The following OPCML variants were observed in gnomAD, a reference collection of about 807,000 sequenced individuals.
OPCML encodes the protein opioid-binding protein/cell adhesion molecule.
In OPCML, 13 loss-of-function variants were observed where a neutral mutation model predicts 37.8. The observed-to-expected ratio is 0.34, with a 90% CI of 0.22 to 0.55. The LOEUF (loss-of-function observed/expected upper bound fraction) is 0.55. Ranked by LOEUF, OPCML falls within the 20% of genes least tolerant of loss-of-function variation. The pLI is 0.91. For synonymous variants in OPCML, 176 were observed against 168.8 expected, an observed-to-expected ratio of 1.04 and a Z score of -0.33; for missense variants, 341 against 435.6, an observed-to-expected ratio of 0.78 and a Z score of 1.93.
chr11:132,540,951 C>T (rs535931260), intron 3 of OPCML, among the ~76,000 whole-genome samples: 99 of 152,016 alleles, frequency 6.5e-4, no homozygotes, highest in African/African-American at 2.3e-3. Context: ...TCCTTTTGTT[C>T]CTTTCCCCCC....
chr11:133,159,591 T>A (rs1382692478), intron 1 of OPCML, among the ~76,000 whole-genome samples: 1 of 152,236 alleles, frequency 6.6e-6, no homozygotes, highest in East Asian at 1.9e-4. Context: ...AAGCAAGTCA[T>A]GCGGCCAATC....
intron 3 of OPCML, among the ~76,000 whole-genome samples, chr11:132,625,484 C>T (rs1162744885): frequency 2.0e-5 from 3 of 152,148 alleles, no homozygotes; most frequent in South Asian, 2.1e-4. Flanking sequence ...ATCTCTGAGC[C>T]GAGGCAGTTA....
At chr11:132,655,676 C>A (rs1941669483) in intron 3 of OPCML, among the ~76,000 whole-genome samples, 1 of 152,172 alleles carries the variant, frequency 6.6e-6, no homozygotes. Flanking sequence ...TGGGGAACAG[C>A]AGTGACAGCA....
intron 1 of OPCML, among the ~76,000 whole-genome samples, chr11:132,960,186 C>A (rs551091730): frequency 4.6e-5 from 7 of 152,186 alleles, no homozygotes; most frequent in African/African-American, 2.4e-5. Context: ...AAGTGACTTA[C>A]GTGCATAATC....
At chr11:132,624,476 TG>T (rs1460074064) in intron 3 of OPCML, among the ~76,000 whole-genome samples, 2 of 152,222 alleles carry the variant, frequency 1.3e-5, no homozygotes, top group Admixed American at 1.3e-4. Flanking sequence ...TCATACTCTC[TG>T]TATGCCTCTA....
intron 1 of OPCML, among the ~76,000 whole-genome samples, chr11:132,998,338 A>G (rs1591894602): frequency 6.6e-6 from 1 of 152,128 alleles, no homozygotes; most frequent in South Asian, 2.1e-4. Flanking sequence ...GCAAAGGGGC[A>G]CTTTCTCCCT....
chr11:132,777,061 A>G (rs1176560166), intron 2 of OPCML, among the ~76,000 whole-genome samples: 1 of 152,152 alleles, frequency 6.6e-6, no homozygotes, highest in African/African-American at 2.4e-5. Context: ...CCATCACCAA[A>G]GGAGACCTTA....
intron 1 of OPCML, among the ~76,000 whole-genome samples, chr11:133,391,052 T>G (rs1945163792): frequency 6.6e-6 from 1 of 152,168 alleles, no homozygotes; most frequent in South Asian, 2.1e-4. Context: ...AGAGGAAGAT[T>G]TACCCACCTG....
chr11:133,054,755 T>C (rs575320096), intron 1 of OPCML, among the ~76,000 whole-genome samples: 1 of 152,232 alleles, frequency 6.6e-6, no homozygotes, highest in Non-Finnish European at 1.5e-5. Flanking sequence ...TTGAGAAACA[T>C]ACTTCCAAGT....
chr11:132,800,696 T>C (rs767444179), intron 2 of OPCML, among the ~76,000 whole-genome samples: 1 of 152,222 alleles, frequency 6.6e-6, no homozygotes, highest in Non-Finnish European at 1.5e-5. Flanking sequence ...TCTATTAAAA[T>C]GGTGGATTAC....
chr11:132,827,807 AT>A (rs71477776), intron 2 of OPCML, among the ~76,000 whole-genome samples: 14 of 149,112 alleles, frequency 9.4e-5, no homozygotes, highest in African/African-American at 1.2e-4. Context: ...GCCTGGCTGA[AT>A]TTTTTTTTTG....
intron 7 of OPCML, among the ~76,000 whole-genome samples, chr11:132,431,594 G>A (rs978065403): frequency 3.3e-5 from 5 of 152,172 alleles, no homozygotes; most frequent in East Asian, 1.9e-4. Context: ...CATCTTGGAC[G>A]ATCACCTACC....
At chr11:132,823,511 C>G (rs1458801854) in intron 2 of OPCML, among the ~76,000 whole-genome samples, 3 of 151,956 alleles carry the variant, frequency 2.0e-5, no homozygotes, top group Admixed American at 2.0e-4. Flanking sequence ...CTTTCCCCAG[C>G]ATCATCAATA....
At position 132,453,639 on chromosome 11, in the gene OPCML, A is replaced by T. The variant is rs180890930; in HGVS notation, c.506-16280T>A. Among the ~76,000 whole-genome samples the T allele has an allele frequency of 9.2e-5, 14 of 152,350 alleles. No individual in the cohort carries two copies. The East Asian group carries it at 2.3e-3, about 25-fold the overall frequency. ...AGCTTAGCAAGAAATAACCCAAAAA[A>T]TGCATGGTGATTAAGCCCCTCGGCA... On this transcript the variant is annotated intron_variant, in intron 4 of 7. Coordinates refer to ENST00000524381, the MANE Select transcript of OPCML (RefSeq NM_001012393.5).
intron 2 of OPCML, among the ~76,000 whole-genome samples, chr11:132,800,998 T>C (rs189565677): frequency 3.3e-5 from 5 of 152,276 alleles, no homozygotes; most frequent in Admixed American, 6.5e-5. Context: ...AATGAAACAA[T>C]TCACCAGTAA....
intron 1 of OPCML, among the ~76,000 whole-genome samples, chr11:133,531,117 C>T (rs973170171): frequency 6.6e-6 from 1 of 152,188 alleles, no homozygotes. Context: ...GACTGTGCGA[C>T]GGTTTGGTAT....
intron 4 of OPCML, among the ~76,000 whole-genome samples, chr11:132,439,191 C>T (rs928914132): frequency 2.6e-5 from 4 of 152,146 alleles, no homozygotes; most frequent in South Asian, 4.2e-4. Context: ...TCTGGGTGGA[C>T]CCACATAAGA....
At chr11:133,281,674 G>A (rs965856467) in intron 1 of OPCML, among the ~76,000 whole-genome samples, 5 of 151,846 alleles carry the variant, frequency 3.3e-5, no homozygotes, top group Non-Finnish European at 7.4e-5. Flanking sequence ...AGAGTGTAGA[G>A]GGCTCAGAAG....
At chr11:133,080,485 T>C (rs1358241634) in intron 1 of OPCML, among the ~76,000 whole-genome samples, 1 of 151,748 alleles carries the variant, frequency 6.6e-6, no homozygotes, top group African/African-American at 2.4e-5. Flanking sequence ...TTTTTTTTTT[T>C]TTTTTTTTTC....
Sources: gnomAD v4.1 joint callset for allele counts (sites outside exome capture counted in the v4.1 genomes callset) on GRCh38, gnomAD v4.1.1 for gene constraint, MANE v1.5 for transcripts, NCBI Gene and HGNC (gene_info 2026-07-23, HGNC 2026-07-21) for gene names.